Variants in FBXL7 observed in about 807,000 individuals in gnomAD.
FBXL7 encodes F-box and leucine rich repeat protein 7.
A neutral mutation model predicts 38.3 loss-of-function variants in FBXL7; 12 were observed. The ratio of observed to expected loss-of-function variants is 0.31; its 90% confidence interval spans 0.20 to 0.51. FBXL7 has a LOEUF of 0.51. FBXL7 is among the 20% of genes least tolerant of loss of function. The probability of loss-of-function intolerance (pLI) is 0.98; values close to 1 mark genes in which losing one functional copy is unlikely to be tolerated. For missense variants in FBXL7, 567 were observed against 676.4 expected (o/e 0.84, Z 1.79); for synonymous variants, 297 against 300.9 (o/e 0.99, Z 0.13).
chr5:15,880,721 TTATATATA>T (rs3034531), intron 2 of FBXL7, among the ~76,000 whole-genome samples: 1 of 143,372 alleles, frequency 7.0e-6, no homozygotes, highest in Non-Finnish European at 1.5e-5. Context: ...ATATACTATA[TTATATATA>T]TATATATATA....
intron 2 of FBXL7, among the ~76,000 whole-genome samples, chr5:15,783,482 C>T (rs1334959613): frequency 6.6e-6 from 1 of 152,070 alleles, no homozygotes; most frequent in Non-Finnish European, 1.5e-5. Context: ...AATGAGATAA[C>T]CAACATGACA....
At chr5:15,698,013 T>A (rs1418433113) in intron 2 of FBXL7, among the ~76,000 whole-genome samples, 1 of 152,238 alleles carries the variant, frequency 6.6e-6, no homozygotes, top group Non-Finnish European at 1.5e-5. Flanking sequence ...ACAATCCTTA[T>A]AATAATGCAG....
intron 1 of FBXL7, among the ~76,000 whole-genome samples, chr5:15,599,618 C>T (rs775463051): frequency 5.3e-5 from 8 of 152,056 alleles, no homozygotes; most frequent in Non-Finnish European, 1.2e-4. Context: ...AAGATGATCT[C>T]CTCCAGTTTT....
At chr5:15,664,200 T>C (rs1742193982) in intron 2 of FBXL7, among the ~76,000 whole-genome samples, 1 of 152,188 alleles carries the variant, frequency 6.6e-6, no homozygotes, top group Non-Finnish European at 1.5e-5. Flanking sequence ...TTTCAGATAG[T>C]ATTATAAGAT....
chr5:15,860,333 T>C (rs374274591), intron 2 of FBXL7, among the ~76,000 whole-genome samples: 7 of 152,338 alleles, frequency 4.6e-5, no homozygotes, highest in East Asian at 1.9e-4. Flanking sequence ...CAATATTATT[T>C]CCAGAACTCT....
intron 2 of FBXL7, among the ~76,000 whole-genome samples, chr5:15,693,943 A>G (rs944946686): frequency 6.6e-6 from 1 of 152,236 alleles, no homozygotes; most frequent in African/African-American, 2.4e-5. Context: ...TTTTTCCGGT[A>G]CACTAGGGCA....
At chr5:15,580,460 G>A (rs529048364) in intron 1 of FBXL7, among the ~76,000 whole-genome samples, 50 of 152,128 alleles carry the variant, frequency 3.3e-4, no homozygotes, top group Admixed American at 7.2e-4. Flanking sequence ...CCATGTGATC[G>A]TGTGTGGTCA....
intron 2 of FBXL7, among the ~76,000 whole-genome samples, chr5:15,848,387 T>C (rs1043836264): frequency 6.6e-6 from 1 of 152,038 alleles, no homozygotes; most frequent in Admixed American, 6.6e-5. Flanking sequence ...ATGCATTTTG[T>C]TTTTGTTTTT....
chr5:15,755,313 A>G (rs1736267123), intron 2 of FBXL7, among the ~76,000 whole-genome samples: 1 of 152,224 alleles, frequency 6.6e-6, no homozygotes, highest in Admixed American at 6.5e-5. Context: ...AACTTCTCTT[A>G]TCAAAAGAGA....
At chr5:15,726,814 C>A (rs545467434) in intron 2 of FBXL7, among the ~76,000 whole-genome samples, 116 of 152,044 alleles carry the variant, frequency 7.6e-4, no homozygotes, top group African/African-American at 2.7e-3. Context: ...AGAGTTTAAT[C>A]TATTTACATT....
At chr5:15,921,186 A>T (rs955343884) in intron 2 of FBXL7, among the ~76,000 whole-genome samples, 5 of 152,124 alleles carry the variant, frequency 3.3e-5, no homozygotes, top group South Asian at 2.1e-4. Context: ...GTTCGAGACC[A>T]GCCTGGCCAA....
At chr5:15,898,218 G>A (rs148996737) in intron 2 of FBXL7, among the ~76,000 whole-genome samples, 1 of 152,304 alleles carries the variant, frequency 6.6e-6, no homozygotes, top group Non-Finnish European at 1.5e-5. Flanking sequence ...GACTTCATGA[G>A]CTGGAACATT....
chr5:15,824,401 G>A (rs257757), intron 2 of FBXL7, among the ~76,000 whole-genome samples: 85,690 of 151,512 alleles, frequency 0.57, 24,790 homozygotes, highest in Non-Finnish European at 0.64. Flanking sequence ...ATTTTCTCAG[G>A]TGTACTCCTC....
intron 2 of FBXL7, among the ~76,000 whole-genome samples, chr5:15,861,129 C>T (rs996284336): frequency 3.3e-5 from 5 of 152,122 alleles, no homozygotes; most frequent in Non-Finnish European, 7.3e-5. Context: ...GTTTCTTAGG[C>T]CCAGGTGTGA....
chr5:15,904,406 CTT>C (rs751995306), intron 2 of FBXL7, among the ~76,000 whole-genome samples: 15 of 152,242 alleles, frequency 9.9e-5, no homozygotes, highest in East Asian at 1.9e-4. Flanking sequence ...ATTATAAACT[CTT>C]TGTGGATTTT....
At chr5:15,842,126 A>C (rs547072496) in intron 2 of FBXL7, among the ~76,000 whole-genome samples, 1 of 152,300 alleles carries the variant, frequency 6.6e-6, no homozygotes, top group African/African-American at 2.4e-5. Context: ...CAGACACTCA[A>C]CGCCATCAGT....
In FBXL7 at chr5:15,720,309, G is replaced by A. The variant is rs144412078; in HGVS notation, c.127+104237G>A. On this transcript the variant is annotated intron_variant, in intron 2 of 3. Coordinates refer to ENST00000504595, the MANE Select transcript of FBXL7 (RefSeq NM_012304.5). ...AACATTATTCAAGGATCAGGTGGAA[G>A]AGGATAGTGGAAAGGACTGAGGGTA... 3.4e-3 allele frequency among the ~76,000 whole-genome samples: 508 copies of A among 148,722 alleles called. 27 individuals are homozygous for A. Among genetic ancestry groups the A allele is most frequent in the African/African-American group, 0.012 (475 of 40,884 alleles).
rs569845443 is a variant in FBXL7 at position 15,912,523 on chromosome 5, T to C, written c.128-15367T>C. On this transcript the variant is annotated intron_variant, in intron 2 of 3. Coordinates refer to ENST00000504595, the MANE Select transcript of FBXL7 (RefSeq NM_012304.5). ...GCTGGGAGCTGTAGACCGGAGCTGT[T>C]CCTATTTGGCCATCTTGGCTCCTCC... Among the ~76,000 whole-genome samples, 16 of 152,126 alleles carry C rather than the reference T, an allele frequency of 1.1e-4. No individual in the cohort carries two copies. The South Asian group carries it at 2.5e-3, about 24-fold the overall frequency.
At chr5:15,799,356 C>CT (rs34953272) in intron 2 of FBXL7, among the ~76,000 whole-genome samples, 27,591 of 90,920 alleles carry the variant, frequency 0.3, 5,177 homozygotes, top group African/African-American at 0.46. Context: ...AAACCCCTCC[C>CT]TTTTTTTTTT....
Sources: allele counts gnomAD v4.1 joint callset (sites outside exome capture counted in the v4.1 genomes callset), GRCh38; gene constraint gnomAD v4.1.1; transcripts MANE v1.5; gene names NCBI Gene and HGNC (gene_info 2026-07-23, HGNC 2026-07-21).